Variants in MCM3AP observed in about 807,000 individuals in gnomAD.
The protein encoded by MCM3AP is germinal-center associated nuclear protein.
A neutral mutation model predicts 184.1 loss-of-function variants in MCM3AP; 126 were observed. The ratio of observed to expected loss-of-function variants is 0.68; its 90% CI spans 0.59 to 0.79. MCM3AP has a LOEUF of 0.79. Ranked by LOEUF, MCM3AP falls within the 30% of genes least tolerant of loss-of-function variation. The pLI is 0.00. For missense variants in MCM3AP, 2,496 were observed against 2,479.2 expected (o/e 1.01, Z -0.14); for synonymous variants, 1,002 against 979.3 (o/e 1.02, Z -0.43).
chr21:46,277,480 TGAC>T (rs1345754823), intron 5 of MCM3AP, 44 bp downstream of exon 5: 12 of 1,447,176 alleles, frequency 8.3e-6, no homozygotes, highest in Non-Finnish European at 1.0e-5. Flanking sequence ...GCACCCAAGA[TGAC>T]GACCTCACCA....
chr21:46,281,052 C>T (rs1474931843), intron 2 of MCM3AP, among the ~76,000 whole-genome samples: 2 of 152,194 alleles, frequency 1.3e-5, no homozygotes, highest in African/African-American at 2.4e-5. Flanking sequence ...GTGATCCGCC[C>T]ACCTTGGCCT....
At chr21:46,247,968 A>G (rs1165436192) in intron 20 of MCM3AP, among the ~76,000 whole-genome samples, 1 of 152,104 alleles carries the variant, frequency 6.6e-6, no homozygotes, top group Non-Finnish European at 1.5e-5. Flanking sequence ...ATATAAGCCC[A>G]TAATAATAGA....
Position 46,277,384 on chromosome 21 carries a change from C to T in MCM3AP, c.1858+143G>A, listed in dbSNP as rs181910655. The T allele has an allele frequency of 7.2e-4, 394 of 546,336 alleles. 2 individuals are homozygous for T. The highest frequency in any genetic ancestry group is 6.4e-3 in the African/African-American group (333 of 51,956). The allele number at this position is 546,336 out of a possible 1,614,324, so 33.8% of individuals were successfully genotyped here. A position where few individuals can be genotyped will look rare whatever the true frequency, so the allele number is the denominator to read the frequency against. On this transcript the variant is annotated intron_variant, in intron 5 of 27. Transcript: ENST00000291688. ...CACTCACTCCAAGAAGACAGGCAGACTATGAAGATCAGACACAGCATATCA... is the reference window on the plus strand; with the variant it reads ...CACTCACTCCAAGAAGACAGGCAGATTATGAAGATCAGACACAGCATATCA...
In MCM3AP at chr21:46,270,525, G is replaced by T. The variant is rs1338307797; in HGVS notation, c.2504C>A (p.Ser835Tyr). The change falls in exon 9 of 28, where the codon TCT (serine) becomes TAT (tyrosine). Residue 835 changes from serine (S) to tyrosine (Y), a missense_variant. Physicochemically the swap from Ser to Tyr is moderately radical, Grantham distance 144. Around this residue, in one of 5 missense-constraint regions of MCM3AP, gnomAD observed 138 missense variants for 191.9 expected, o/e 0.72. Transcript: ENST00000291688. Reference sequence around the variant, plus strand: ...AGCCTGAACAGCAAATTTCACCTCAGATGAGTTTCTAACAGCAGGATGGAA... The same window carrying T: ...AGCCTGAACAGCAAATTTCACCTCATATGAGTTTCTAACAGCAGGATGGAA... ...QQFHPAVRNS[S>Y]EVKFAVQAFA... is the part of the protein sequence containing the mutation. The T allele has an allele frequency of 6.2e-7, 1 of 1,613,398 alleles. No individual in the cohort carries two copies. The highest frequency in any genetic ancestry group is 1.3e-5 in the African/African-American group (1 of 74,908).
At position 46,240,836 on chromosome 21, in the gene MCM3AP, G is replaced by A; in HGVS notation, c.5608C>T (p.Leu1870=). 1 of 1,614,186 alleles carries A rather than the reference G, an allele frequency of 6.2e-7. No individual in the cohort carries two copies. Residue 1870 remains leucine, a synonymous_variant, in exon 26 of 28, where the codon CTG becomes TTG. Coordinates refer to ENST00000291688, the MANE Select transcript of MCM3AP (RefSeq NM_003906.5). ...LLAQCLSSSL[L]LEKEENKRFE... ...CTCTTGTTCTCTTCTTTCTCCAGCAGCAGACTGCTCGACAAACACTGCGCC... is the reference window on the plus strand; with the variant it reads ...CTCTTGTTCTCTTCTTTCTCCAGCAACAGACTGCTCGACAAACACTGCGCC...
At chr21:46,283,109 T>A (rs548206053) in intron 2 of MCM3AP, among the ~76,000 whole-genome samples, 26 of 152,114 alleles carry the variant, frequency 1.7e-4, no homozygotes, top group African/African-American at 5.8e-4. Context: ...GTATTTTTAG[T>A]AGAGATGGGG....
chr21:46,243,088 C>A (rs2080699425), intron 24 of MCM3AP, 157 bp from the exon 25 acceptor site: 1 of 686,590 alleles, frequency 1.5e-6, no homozygotes, highest in South Asian at 2.0e-5. Flanking sequence ...AGTGCAAGAC[C>A]TTTGATTAAA....
chr21:46,246,359 T>C lies in MCM3AP; in HGVS notation c.4595A>G (p.Tyr1532Cys). Residue 1532 changes from tyrosine (Y) to cysteine (C), a missense_variant, in exon 22 of 28, where the codon TAC (tyrosine) becomes TGC (cysteine). Tyr to Cys is a radical substitution (Grantham distance 194). Transcript: ENST00000291688. ...DLVSAKLISD[Y>C]TVTEIPDTIN... ...GGTATCAGGGATCTCGGTAACAGTG[T>C]AATCTGAAATCAGCTTAGCTGAAAC... The C allele has an allele frequency of 6.2e-7, 1 of 1,613,292 alleles. No homozygotes were observed.
At chr21:46,260,324 G>A (rs769896623) in intron 15 of MCM3AP, among the ~76,000 whole-genome samples, 20 of 152,268 alleles carry the variant, frequency 1.3e-4, no homozygotes, top group Admixed American at 2.0e-4. Flanking sequence ...TGTTGCCCAG[G>A]CTGGAGTACA....
chr21:46,245,044 C>A lies in MCM3AP; in HGVS notation c.4801G>T (p.Ala1601Ser). The change falls in exon 23 of 28, where the codon GCT (alanine) becomes TCT (serine). Residue 1601 changes from alanine (A) to serine (S), a missense_variant. Ala to Ser is a moderately conservative substitution (Grantham distance 99). Around this residue, in one of 5 missense-constraint regions of MCM3AP, gnomAD observed 1,323 missense variants for 1,273.4 expected, o/e 1.04. Transcript: ENST00000291688. The part of the protein sequence containing the change: ...DRRERRLGGL[A>S]SQEPGAIIEL... Reference sequence around the variant, plus strand: ...ATGATGGCGCCAGGCTCCTGAGAAGCAAGACCGCCCAGACGCCTCTCTCTT... The same window carrying A: ...ATGATGGCGCCAGGCTCCTGAGAAGAAAGACCGCCCAGACGCCTCTCTCTT... 1 of 1,614,208 alleles carries A rather than the reference C, an allele frequency of 6.2e-7. No individual in the cohort carries two copies. The highest frequency in any genetic ancestry group is 8.5e-7 in the Non-Finnish European group (1 of 1,180,046).
In MCM3AP at chr21:46,265,338, G is replaced by A. The variant is rs2081095991; in HGVS notation, c.3217C>T (p.Pro1073Ser). The change falls in exon 12 of 28, where the codon CCC (proline) becomes TCC (serine). Residue 1073 changes from proline (P) to serine (S), a missense_variant. Coordinates refer to ENST00000291688, the MANE Select transcript of MCM3AP (RefSeq NM_003906.5). ...GTCCCTACCTCGTCAGAGTACATGG[G>A]CACGGGCTCTGGAGGCGGTGGTTCA... ...QPEPPPPEPVPMYSDEDLAQV... is the reference protein window; with the variant it reads ...QPEPPPPEPVSMYSDEDLAQV... 1.9e-6 allele frequency: 3 copies of A among 1,613,768 alleles called. No homozygotes were observed. The highest frequency in any genetic ancestry group is 2.2e-5 in the South Asian group (2 of 91,080).
rs532574655 is a variant in MCM3AP, at chr21:46,263,469, TAGA to T, written c.3335+645_3335+647del. 1.1e-3 allele frequency among the ~76,000 whole-genome samples: 167 copies of T among 151,570 alleles called. 1 individual carries two copies. The highest frequency in any genetic ancestry group is 8.2e-3 in the Admixed American group (125 of 15,222). On this transcript the variant is annotated intron_variant, in intron 13 of 27. Coordinates refer to ENST00000291688, the MANE Select transcript of MCM3AP (RefSeq NM_003906.5). ...GGAAAGACATCCCACATTCTCAGATTAGAAGATTTAATATTGTTAAGATGACAA... is the reference window on the plus strand; with the variant it reads ...GGAAAGACATCCCACATTCTCAGATTAGATTTAATATTGTTAAGATGACAA...
intron 19 of MCM3AP, chr21:46,253,590 T>A (rs1292012221): frequency 6.6e-6 from 1 of 152,174 alleles, no homozygotes; most frequent in Non-Finnish European, 1.5e-5. Context: ...CTCATGATAG[T>A]GAGCTCTCAC....
rs199859191 is a variant in MCM3AP, at chr21:46,243,615, T to C, written c.5146A>G (p.Arg1716Gly). Residue 1716 changes from arginine (R) to glycine (G), a missense_variant, in exon 24 of 28, where the codon AGA becomes GGA. Coordinates refer to ENST00000291688, the MANE Select transcript of MCM3AP (RefSeq NM_003906.5). ...LQSQVENLLH[R>G]TYCRWKSKSP... ...TTGCTCTTCCACCTACAGTAGGTTC[T>C]GTGGAGCAGGTTCTCCACCTGGGAC... 2.2e-5 allele frequency: 35 copies of C among 1,614,246 alleles called. 1 individual carries two copies. In the East Asian group the frequency reaches 6.5e-4, roughly 30 times the overall value.
chr21:46,259,064 G>A lies in MCM3AP; in HGVS notation c.3609C>T (p.Val1203=). The A allele has an allele frequency of 1.9e-6, 3 of 1,613,850 alleles. No homozygotes were observed. Among genetic ancestry groups the A allele is most frequent in the Non-Finnish European group, 2.5e-6 (3 of 1,179,914 alleles). The change falls in exon 16 of 28, where the codon GTC becomes GTT. Residue 1203 remains valine, a synonymous_variant. Coordinates refer to ENST00000291688, the MANE Select transcript of MCM3AP (RefSeq NM_003906.5). ...CATCCTCACAGCAACGGGCCACACG[G>A]ACCCTCTGGTCTGTCTCTACTGCAT... ...LKNAVETDQR[V]RVARCCEDVC... is the part of the protein sequence containing the mutation.
chr21:46,242,562 C>A, intron 25 of MCM3AP: 1 of 306,014 alleles, frequency 3.3e-6, no homozygotes, highest in Non-Finnish European at 5.9e-6. Context: ...GATGAAATGT[C>A]AGCTGTACTC....
chr21:46,265,279 TG>T (rs1569070951), intron 12 of MCM3AP, 41 bp downstream of exon 12: 2 of 1,589,220 alleles, frequency 1.3e-6, no homozygotes, highest in Non-Finnish European at 8.6e-7. Flanking sequence ...TTGCGCACAA[TG>T]GGCTTCCCAG....
chr21:46,240,123 C>T (rs894879778), intron 26 of MCM3AP, among the ~76,000 whole-genome samples: 13 of 151,930 alleles, frequency 8.6e-5, no homozygotes, highest in South Asian at 2.1e-4. Flanking sequence ...GGTGGTAGCA[C>T]GAGAGAGATA....
At chr21:46,268,761 C>T (rs542458140) in intron 9 of MCM3AP, among the ~76,000 whole-genome samples, 10 of 152,304 alleles carry the variant, frequency 6.6e-5, no homozygotes, top group African/African-American at 2.4e-4. Flanking sequence ...TTATTAAAAA[C>T]GGCCAGGCAA....
Sources: allele counts gnomAD v4.1 joint callset (sites outside exome capture counted in the v4.1 genomes callset), GRCh38; gene constraint gnomAD v4.1.1; regional missense constraint gnomAD v4.1.1; transcripts MANE v1.5; gene names NCBI Gene and HGNC (gene_info 2026-07-23, HGNC 2026-07-21).